The following EEFSEC variants were observed in gnomAD, a reference collection of about 807,000 sequenced individuals.
EEFSEC encodes the protein eukaryotic elongation factor, selenocysteine-tRNA specific, also known as selenocysteine-specific elongation factor.
Under a neutral mutation model 42.1 loss-of-function variants are expected in EEFSEC, and 43 were observed. The observed-to-expected ratio is 1.02, with a 90% CI of 0.80 to 1.32. The LOEUF (loss-of-function observed/expected upper bound fraction) is 1.32. Ranked by LOEUF, EEFSEC falls within the 40% of genes most tolerant of loss-of-function variation. The probability of loss-of-function intolerance (pLI) is 0.00; values close to 1 mark genes in which losing one functional copy is unlikely to be tolerated. For missense variants in EEFSEC, 745 were observed against 803.6 expected (o/e 0.93, Z 0.88); for synonymous variants, 354 against 339.1 (o/e 1.04, Z -0.48).
intron 4 of EEFSEC, among the ~76,000 whole-genome samples, chr3:128,302,549 A>G (rs79362255): frequency 0.013 from 1,967 of 152,324 alleles, 52 homozygotes; most frequent in African/African-American, 0.044. Flanking sequence ...CAAAATATCT[A>G]AAAACATTTC....
At chr3:128,255,156 A>T (rs2066228631) in intron 2 of EEFSEC, among the ~76,000 whole-genome samples, 1 of 152,082 alleles carries the variant, frequency 6.6e-6, no homozygotes, top group South Asian at 2.1e-4. Context: ...GCGGCCCACA[A>T]GGGGGCTGTG....
At chr3:128,411,803 C>G (rs997411896), downstream of EEFSEC, among the ~76,000 whole-genome samples, 2 of 152,162 alleles carry the variant, frequency 1.3e-5, no homozygotes, top group African/African-American at 4.8e-5. Context: ...ACGGGAAGCC[C>G]TGGGGGCCTG....
At chr3:128,392,824 G>C (rs1397222152) in intron 6 of EEFSEC, among the ~76,000 whole-genome samples, 1 of 152,246 alleles carries the variant, frequency 6.6e-6, no homozygotes, top group Non-Finnish European at 1.5e-5. Flanking sequence ...TAGGCTCGCT[G>C]TCTGCTGGCT....
intron 4 of EEFSEC, among the ~76,000 whole-genome samples, chr3:128,319,282 C>A (rs2066981776): frequency 6.6e-6 from 1 of 152,224 alleles, no homozygotes; most frequent in African/African-American, 2.4e-5. Flanking sequence ...CAGGGGACAG[C>A]AGGCTTCAGA....
intron 4 of EEFSEC, among the ~76,000 whole-genome samples, chr3:128,339,530 AC>A (rs2067227249): frequency 6.6e-6 from 1 of 152,252 alleles, no homozygotes; most frequent in Non-Finnish European, 1.5e-5. Context: ...CATTTCAGGA[AC>A]TTTTATTGGA....
intron 1 of EEFSEC, among the ~76,000 whole-genome samples, chr3:128,235,732 T>C (rs1042846073): frequency 1.1e-4 from 16 of 152,236 alleles, no homozygotes; most frequent in African/African-American, 3.9e-4. Context: ...AGTTAACTAC[T>C]TCCCTTCCAA....
chr3:128,381,928 G>A (rs910552524), intron 6 of EEFSEC, among the ~76,000 whole-genome samples: 1 of 152,202 alleles, frequency 6.6e-6, no homozygotes, highest in African/African-American at 2.4e-5. Flanking sequence ...GCAGCAGGGA[G>A]CAGGGGGAAG....
chr3:128,280,965 T>A (rs1436963166), intron 4 of EEFSEC, among the ~76,000 whole-genome samples: 2 of 152,172 alleles, frequency 1.3e-5, no homozygotes, highest in Non-Finnish European at 2.9e-5. Context: ...GCCTGCACAT[T>A]ATCATATACA....
intron 6 of EEFSEC, among the ~76,000 whole-genome samples, chr3:128,396,357 T>G (rs1475385867): frequency 2.0e-5 from 3 of 152,220 alleles, no homozygotes; most frequent in Non-Finnish European, 4.4e-5. Context: ...ACTGACTGTG[T>G]GACCTTGGGC....
chr3:128,402,385 A>T (rs1199267966), intron 6 of EEFSEC, among the ~76,000 whole-genome samples: 1 of 152,218 alleles, frequency 6.6e-6, no homozygotes, highest in Non-Finnish European at 1.5e-5. Flanking sequence ...GTCCCACAGA[A>T]CATTTTGCTG....
chr3:128,392,543 G>A (rs1345265689), intron 6 of EEFSEC, among the ~76,000 whole-genome samples: 1 of 152,214 alleles, frequency 6.6e-6, no homozygotes, highest in Non-Finnish European at 1.5e-5. Context: ...TCCATGGGCC[G>A]AGGCACGCGG....
At chr3:128,277,870 G>T (rs570304135) in intron 4 of EEFSEC, among the ~76,000 whole-genome samples, 3 of 152,202 alleles carry the variant, frequency 2.0e-5, no homozygotes, top group Non-Finnish European at 4.4e-5. Context: ...GGAGGAGGAA[G>T]ACTTACTAGG....
At chr3:128,217,802 G>A (rs1321164783) in intron 1 of EEFSEC, among the ~76,000 whole-genome samples, 2 of 152,214 alleles carry the variant, frequency 1.3e-5, no homozygotes, top group Non-Finnish European at 1.5e-5. Flanking sequence ...GCATCATGGG[G>A]AGTAGGGAGG....
At chr3:128,224,587 A>G (rs2065890636) in intron 1 of EEFSEC, among the ~76,000 whole-genome samples, 1 of 152,150 alleles carries the variant, frequency 6.6e-6, no homozygotes, top group South Asian at 2.1e-4. Context: ...CTAAGATTTC[A>G]CCGTGCTTGT....
chr3:128,329,621 C>G (rs1161023090), intron 4 of EEFSEC, among the ~76,000 whole-genome samples: 1 of 152,196 alleles, frequency 6.6e-6, no homozygotes, highest in African/African-American at 2.4e-5. Context: ...TCTGCCCAGG[C>G]ACAGGGCTGG....
chr3:128,200,147 G>C (rs1345422685), intron 1 of EEFSEC, among the ~76,000 whole-genome samples: 1 of 152,048 alleles, frequency 6.6e-6, no homozygotes, highest in Non-Finnish European at 1.5e-5. Flanking sequence ...TACACACCTG[G>C]GCTTATAAAC....
chr3:128,249,678 A>G (rs540125628), intron 2 of EEFSEC, among the ~76,000 whole-genome samples: 1 of 152,176 alleles, frequency 6.6e-6, no homozygotes, highest in East Asian at 1.9e-4. Flanking sequence ...TCAGTGGAAT[A>G]ATATACTATT....
At chr3:128,349,249 T>C (rs916970255) in intron 5 of EEFSEC, among the ~76,000 whole-genome samples, 1 of 151,396 alleles carries the variant, frequency 6.6e-6, no homozygotes, top group Non-Finnish European at 1.5e-5. Context: ...GTAATGCAGG[T>C]TGGGGGCTAT....
chr3:128,250,113 G>GTTGTTGAATTT (rs1291855022), intron 2 of EEFSEC, among the ~76,000 whole-genome samples: 4 of 152,054 alleles, frequency 2.6e-5, no homozygotes, highest in African/African-American at 9.7e-5. Context: ...TGTTGTTGTT[G>GTTGTTGAATTT]TTGTTGAATT....
Sources: allele counts gnomAD v4.1 joint callset (sites outside exome capture counted in the v4.1 genomes callset), GRCh38; gene constraint gnomAD v4.1.1; transcripts MANE v1.5; gene names NCBI Gene and HGNC (gene_info 2026-07-23, HGNC 2026-07-21).